MAGI1: variants seen among roughly 807,000 people sequenced by gnomAD.
MAGI1 encodes membrane associated guanylate kinase, WW and PDZ domain containing 1.
MAGI1 carries 58 observed loss-of-function variants against 139.9 expected under a neutral mutation model. The observed-to-expected ratio is 0.41, with a 90% CI of 0.34 to 0.52. The LOEUF (loss-of-function observed/expected upper bound fraction) is 0.52. Ranked by LOEUF, MAGI1 falls within the 20% of genes least tolerant of loss-of-function variation. The pLI is 0.12. For missense variants in MAGI1, 1,874 were observed against 1,901.6 expected (o/e 0.99, Z 0.27); for synonymous variants, 812 against 737.9 (o/e 1.10, Z -1.63).
intron 6 of MAGI1, among the ~76,000 whole-genome samples, chr3:65,449,507 T>C (rs533460442): frequency 6.6e-6 from 1 of 152,182 alleles, no homozygotes; most frequent in Admixed American, 6.5e-5. Flanking sequence ...AGGCGTGGTG[T>C]CTCATGCCTG....
chr3:65,869,958 T>G (rs1334033182), intron 1 of MAGI1, among the ~76,000 whole-genome samples: 1 of 152,180 alleles, frequency 6.6e-6, no homozygotes, highest in African/African-American at 2.4e-5. Flanking sequence ...TTCTTTACCC[T>G]AGAAATCGAA....
At chr3:65,757,108 T>C (rs958509824) in intron 1 of MAGI1, among the ~76,000 whole-genome samples, 23 of 152,194 alleles carry the variant, frequency 1.5e-4, no homozygotes, top group East Asian at 1.9e-4. Flanking sequence ...TCTCAAATTA[T>C]GTAGCTTTCC....
intron 13 of MAGI1, among the ~76,000 whole-genome samples, chr3:65,400,780 T>C (rs1944818277): frequency 9.1e-6 from 1 of 110,448 alleles, no homozygotes; most frequent in Non-Finnish European, 1.9e-5. Context: ...TTTTTTTTTT[T>C]TTTTTTTTTA....
chr3:65,480,080 C>T (rs561674568), intron 3 of MAGI1, among the ~76,000 whole-genome samples: 1 of 151,350 alleles, frequency 6.6e-6, no homozygotes, highest in Non-Finnish European at 1.5e-5. Context: ...CCTGTACACA[C>T]TGTATCTTCC....
At chr3:65,467,132 A>G (rs934393865) in intron 5 of MAGI1, among the ~76,000 whole-genome samples, 1 of 152,198 alleles carries the variant, frequency 6.6e-6, no homozygotes, top group South Asian at 2.1e-4. Flanking sequence ...CTCCCTAGCC[A>G]GTCTGTCTTA....
intron 1 of MAGI1, among the ~76,000 whole-genome samples, chr3:65,647,304 C>A (rs911282822): frequency 1.3e-5 from 2 of 152,078 alleles, no homozygotes; most frequent in African/African-American, 4.8e-5. Flanking sequence ...CACTACTCAT[C>A]CCATATAAAA....
At chr3:65,601,561 G>A (rs2082483395) in intron 2 of MAGI1, among the ~76,000 whole-genome samples, 1 of 152,016 alleles carries the variant, frequency 6.6e-6, no homozygotes, top group South Asian at 2.1e-4. Context: ...ACAGTGTTGG[G>A]ACAACTGGAT....
intron 1 of MAGI1, among the ~76,000 whole-genome samples, chr3:65,661,743 C>CTTTTT (rs1490505447): frequency 6.9e-5 from 7 of 101,176 alleles, no homozygotes; most frequent in African/African-American, 2.6e-4. Flanking sequence ...TTGTTTTTTT[C>CTTTTT]TGTTTTTTTT....
chr3:65,530,300 G>T (rs2078583532), intron 2 of MAGI1, among the ~76,000 whole-genome samples: 1 of 152,022 alleles, frequency 6.6e-6, no homozygotes, highest in Non-Finnish European at 1.5e-5. Flanking sequence ...AATTAGGCGA[G>T]TCTTTCACTC....
chr3:65,356,341 C>T lies in MAGI1; in HGVS notation c.*37G>A. On this transcript the variant is annotated 3_prime_UTR_variant, in exon 23 of 23. Transcript: ENST00000402939. The stretch of plus-strand genomic sequence containing the variant: ...AGGTTTGTGACTTTCCTCTTAGAAC[C>T]TTTGACACGGTAAAGGTTGGAATGT... The T allele has an allele frequency of 1.3e-6, 2 of 1,517,900 alleles. No individual in the cohort carries two copies. The highest frequency in any genetic ancestry group is 1.8e-6 in the Non-Finnish European group (2 of 1,141,844). 94.0% of individuals were successfully genotyped at this position (1,517,900 alleles called of 1,614,324 possible). A position where few individuals can be genotyped will look rare whatever the true frequency, so the allele number is the denominator to read the frequency against.
At chr3:65,397,188 G>A (rs1012039677) in intron 13 of MAGI1, among the ~76,000 whole-genome samples, 4 of 152,174 alleles carry the variant, frequency 2.6e-5, no homozygotes, top group African/African-American at 9.7e-5. Context: ...TGGCATCAGG[G>A]AAAAGGAAGA....
At chr3:65,895,331 C>T (rs1489240071) in intron 1 of MAGI1, among the ~76,000 whole-genome samples, 1 of 152,214 alleles carries the variant, frequency 6.6e-6, no homozygotes, top group African/African-American at 2.4e-5. Flanking sequence ...CTATTCTCTC[C>T]ACTCAATGTC....
chr3:65,808,264 C>A (rs2041003310), intron 1 of MAGI1, among the ~76,000 whole-genome samples: 1 of 152,124 alleles, frequency 6.6e-6, no homozygotes, highest in Non-Finnish European at 1.5e-5. Flanking sequence ...GGATTACAGG[C>A]ATGAGACATG....
At chr3:65,976,197 G>A (rs893100132) in intron 1 of MAGI1, among the ~76,000 whole-genome samples, 7 of 152,114 alleles carry the variant, frequency 4.6e-5, no homozygotes, top group Non-Finnish European at 1.0e-4. Context: ...AGATGATATT[G>A]TAAAAGTCAT....
At chr3:65,616,887 C>G (rs555704574) in intron 2 of MAGI1, among the ~76,000 whole-genome samples, 1 of 152,294 alleles carries the variant, frequency 6.6e-6, no homozygotes, top group Non-Finnish European at 1.5e-5. Context: ...GTTATCAGCT[C>G]TAATTGTCAA....
intron 2 of MAGI1, among the ~76,000 whole-genome samples, chr3:65,590,515 C>A (rs553975025): frequency 1.3e-5 from 2 of 152,262 alleles, no homozygotes; most frequent in African/African-American, 4.8e-5. Context: ...TAAAACTTGT[C>A]CAAATGTCAG....
chr3:65,900,048 G>C (rs978630641), intron 1 of MAGI1, among the ~76,000 whole-genome samples: 1 of 152,096 alleles, frequency 6.6e-6, no homozygotes, highest in East Asian at 1.9e-4. Flanking sequence ...TTTCAGATTA[G>C]CTTTTACATT....
intron 18 of MAGI1, among the ~76,000 whole-genome samples, chr3:65,375,029 T>C (rs1252408715): frequency 6.6e-6 from 1 of 152,202 alleles, no homozygotes; most frequent in East Asian, 1.9e-4. Flanking sequence ...TGGCTCTGAA[T>C]TGCCACCATG....
At chr3:65,894,012 T>C (rs2060870837) in intron 1 of MAGI1, 1 of 152,266 alleles carries the variant, frequency 6.6e-6, no homozygotes, top group African/African-American at 2.4e-5. Context: ...CAAAGTCAAG[T>C]GTCCCAAAAG....
Sources: allele counts gnomAD v4.1 joint callset (sites outside exome capture counted in the v4.1 genomes callset), GRCh38; gene constraint gnomAD v4.1.1; transcripts MANE v1.5; gene names NCBI Gene and HGNC (gene_info 2026-07-23, HGNC 2026-07-21).